Variants in AKAP19 observed in about 807,000 individuals in gnomAD.
AKAP19 encodes A-kinase anchoring protein 19.
chr2:190,137,183 A>T, the AKAP19 span, among the ~76,000 whole-genome samples: 1 of 152,318 alleles, frequency 6.6e-6, no homozygotes, highest in Admixed American at 6.5e-5. Flanking sequence ...TGTGCAGAAA[A>T]TGGTTGAGTC....
chr2:189,968,839 T>C, the AKAP19 span, among the ~76,000 whole-genome samples: 1 of 151,976 alleles, frequency 6.6e-6, no homozygotes, highest in South Asian at 2.1e-4. Flanking sequence ...ATCAAGAAAG[T>C]TTTTTATAAA....
At chr2:190,099,704 A>T in the AKAP19 span, among the ~76,000 whole-genome samples, 2 of 152,248 alleles carry the variant, frequency 1.3e-5, no homozygotes, top group Admixed American at 6.5e-5. Flanking sequence ...CGATAAAGTG[A>T]AATGCAATAA....
At chr2:190,167,564 C>G in the AKAP19 span, among the ~76,000 whole-genome samples, 2 of 152,144 alleles carry the variant, frequency 1.3e-5, no homozygotes, top group African/African-American at 4.8e-5. Context: ...TGCCTATGAG[C>G]GTGTAAAATC....
chr2:190,176,208 TG>T, the AKAP19 span, among the ~76,000 whole-genome samples: 1 of 152,252 alleles, frequency 6.6e-6, no homozygotes, highest in African/African-American at 2.4e-5. The surrounding 1 kb of genome is among the most constrained non-coding windows in gnomAD (Gnocchi z 4.7). Flanking sequence ...AATTTGATTC[TG>T]GGAAAATGGT....
At chr2:189,965,952 ATGTG>A in the AKAP19 span, among the ~76,000 whole-genome samples, 5 of 149,814 alleles carry the variant, frequency 3.3e-5, no homozygotes, top group African/African-American at 9.8e-5. Context: ...GTATGTATGT[ATGTG>A]TGTGTGTGTG....
the AKAP19 span, among the ~76,000 whole-genome samples, chr2:189,984,594 G>T: frequency 6.6e-6 from 1 of 152,136 alleles, no homozygotes; most frequent in African/African-American, 2.4e-5. Flanking sequence ...CTCCTCGGCT[G>T]ACAGGATTAA....
the AKAP19 span, among the ~76,000 whole-genome samples, chr2:190,172,727 C>A: frequency 6.1e-3 from 929 of 152,326 alleles, 6 homozygotes; most frequent in African/African-American, 0.02. Flanking sequence ...AATTCAAGTT[C>A]TAGCACATAT....
At chr2:190,057,499 T>A in the AKAP19 span, 1 of 1,613,480 alleles carries the variant, frequency 6.2e-7, no homozygotes, top group Non-Finnish European at 8.5e-7. Flanking sequence ...GATAATCCAA[T>A]CCCATCCAAA....
the AKAP19 span, chr2:190,181,096 G>A: frequency 6.1e-6 from 6 of 985,590 alleles, no homozygotes; most frequent in Non-Finnish European, 7.2e-6. Context: ...CGCAGCTGCC[G>A]GGCAACGTGT....
chr2:190,018,106 A>G, the AKAP19 span, among the ~76,000 whole-genome samples: 1 of 151,722 alleles, frequency 6.6e-6, no homozygotes, highest in East Asian at 1.9e-4. Flanking sequence ...TGATAGTTTG[A>G]TTCTTATGTG....
At chr2:190,173,548 A>G in the AKAP19 span, among the ~76,000 whole-genome samples, 1 of 152,214 alleles carries the variant, frequency 6.6e-6, no homozygotes, top group South Asian at 2.1e-4. Context: ...AACTCCTAAA[A>G]TGATAGAATC....
At chr2:189,888,507 A>C in the AKAP19 span, among the ~76,000 whole-genome samples, 1 of 152,200 alleles carries the variant, frequency 6.6e-6, no homozygotes, top group South Asian at 2.1e-4. Context: ...TGGGGATAGC[A>C]TTGAATCTAT....
the AKAP19 span, among the ~76,000 whole-genome samples, chr2:189,940,437 AAAAAG>A: frequency 2.0e-5 from 3 of 151,314 alleles, no homozygotes; most frequent in South Asian, 6.3e-4. Flanking sequence ...CGGGGGGGAA[AAAAAG>A]AAAAGAAAAT....
At chr2:190,200,057 CTCAGG>C in the AKAP19 span, 1 of 1,613,956 alleles carries the variant, frequency 6.2e-7, no homozygotes, top group Non-Finnish European at 8.5e-7. Context: ...CACCGCCTGT[CTCAGG>C]ATATCTTGTG....
At chr2:189,993,431 A>G in the AKAP19 span, among the ~76,000 whole-genome samples, 9 of 152,092 alleles carry the variant, frequency 5.9e-5, no homozygotes, top group African/African-American at 9.7e-5. Context: ...TTTTGCATCT[A>G]TGTTCATCAG....
At chr2:190,060,473 T>C in the AKAP19 span, 3 of 1,585,532 alleles carry the variant, frequency 1.9e-6, no homozygotes, top group East Asian at 2.2e-5. Flanking sequence ...GCTGAAATTA[T>C]TTCCCATTAA....
chr2:190,105,630 C>G, the AKAP19 span, among the ~76,000 whole-genome samples: 6 of 152,180 alleles, frequency 3.9e-5, no homozygotes, highest in Non-Finnish European at 7.4e-5. Flanking sequence ...GATTTCTTTG[C>G]TTCTTTACCT....
the AKAP19 span, among the ~76,000 whole-genome samples, chr2:189,934,327 C>T: frequency 6.6e-6 from 1 of 152,016 alleles, no homozygotes; most frequent in African/African-American, 2.4e-5. Context: ...AACTGCCTAG[C>T]CTCATATTCT....
the AKAP19 span, among the ~76,000 whole-genome samples, chr2:190,045,969 G>A: frequency 6.6e-6 from 1 of 152,220 alleles, no homozygotes; most frequent in African/African-American, 2.4e-5. Flanking sequence ...TGAGCTGGGG[G>A]TTGCAAAGAT....
Sources: allele counts gnomAD v4.1 joint callset (sites outside exome capture counted in the v4.1 genomes callset), GRCh38; gene constraint gnomAD v4.1.1; non-coding constraint Gnocchi (gnomAD v3.1); transcripts MANE v1.5; gene names NCBI Gene and HGNC (gene_info 2026-07-23, HGNC 2026-07-21).